Variants in CARF observed in about 807,000 individuals in gnomAD.
CARF encodes the protein calcium-responsive transcription factor.
Under a neutral mutation model 82.0 loss-of-function variants are expected in CARF, and 57 were observed. The ratio of observed to expected loss-of-function variants is 0.70; its 90% confidence interval spans 0.56 to 0.87. The LOEUF is 0.87. CARF is among the 40% of genes least tolerant of loss of function. CARF has a pLI of 0.00. For missense variants in CARF, 771 were observed against 855.8 expected (o/e 0.90, Z 1.24); for synonymous variants, 268 against 290.1 (o/e 0.92, Z 0.77).
At position 202,942,945 on chromosome 2, in the gene CARF, TG is replaced by T; in HGVS notation, c.289del (p.Glu97AsnfsTer6). The T allele has an allele frequency of 6.2e-7, 1 of 1,614,066 alleles. No homozygotes were observed. Among genetic ancestry groups the T allele is most frequent in the Non-Finnish European group, 8.5e-7 (1 of 1,179,974 alleles). Reference sequence around the variant, plus strand: ...GCTATTCAATATGAACTTCAGTCATTGGGGGAATCCAATGCACAAATGGTGA... The same window carrying T: ...GCTATTCAATATGAACTTCAGTCATTGGGGAATCCAATGCACAAATGGTGA... ...GQAIQYELQSLGESNAQMMIV... is the reference protein window; with the variant it reads ...GQAIQYELQSXGESNAQMMIV... On this transcript the variant is annotated frameshift_variant, in exon 5 of 17. Coordinates refer to ENST00000438828, the MANE Select transcript of CARF (RefSeq NM_024744.17). LOFTEE classifies it high-confidence loss of function.
intron 3 of CARF, among the ~76,000 whole-genome samples, chr2:202,928,983 G>A (rs1378473787): frequency 6.6e-6 from 1 of 150,702 alleles, no homozygotes; most frequent in Non-Finnish European, 1.5e-5. Flanking sequence ...TCCAGCCTCA[G>A]CCTCCCAAAA....
At chr2:202,920,241 G>A (rs957552457) in intron 2 of CARF, among the ~76,000 whole-genome samples, 2 of 150,430 alleles carry the variant, frequency 1.3e-5, no homozygotes, top group African/African-American at 2.5e-5. Flanking sequence ...TGCAAGCTCC[G>A]CCTCCCGGGT....
intron 3 of CARF, among the ~76,000 whole-genome samples, chr2:202,939,230 C>T (rs1256637956): frequency 6.6e-6 from 1 of 152,122 alleles, no homozygotes; most frequent in Admixed American, 6.5e-5. Context: ...TACAGATGAT[C>T]CCTGACTTAT....
intron 16 of CARF, 112 bp downstream of exon 16, chr2:202,982,553 G>A (rs2060309947): frequency 2.6e-6 from 3 of 1,167,598 alleles, no homozygotes; most frequent in Middle Eastern, 2.9e-4. Context: ...ATGATATTAT[G>A]TAAATGAAGC....
chr2:202,930,586 T>TCTTTGTTGAA (rs1381077198), intron 3 of CARF, among the ~76,000 whole-genome samples: 1 of 152,210 alleles, frequency 6.6e-6, no homozygotes. Context: ...TATTTGTATC[T>TCTTTGTTGAA]CTTTGTTGAA....
chr2:202,913,420 C>T (rs1416742942), intron 1 of CARF, among the ~76,000 whole-genome samples: 2 of 152,098 alleles, frequency 1.3e-5, no homozygotes, highest in African/African-American at 2.4e-5. Context: ...ACTGCGGCAT[C>T]GGAAGCACTC....
chr2:202,917,482 G>A (rs1335536964), intron 1 of CARF, among the ~76,000 whole-genome samples: 1 of 152,050 alleles, frequency 6.6e-6, no homozygotes, highest in Non-Finnish European at 1.5e-5. Context: ...CAATTCTAGG[G>A]TTTGGGAGGT....
intron 2 of CARF, among the ~76,000 whole-genome samples, chr2:202,921,832 T>A (rs1389238815): frequency 6.6e-6 from 1 of 151,520 alleles, no homozygotes; most frequent in African/African-American, 2.4e-5. Flanking sequence ...TATTGAAAAA[T>A]TTTTTTTTCC....
At chr2:202,954,221 A>G (rs2058918497) in intron 7 of CARF, 87 bp downstream of exon 7, 1 of 1,398,156 alleles carries the variant, frequency 7.2e-7, no homozygotes, top group Non-Finnish European at 9.6e-7. Context: ...GGCAGACTAT[A>G]GAGAAAATCA....
chr2:202,954,196 T>C, intron 7 of CARF, 62 bp downstream of exon 7: 1 of 1,557,814 alleles, frequency 6.4e-7, no homozygotes, highest in East Asian at 2.3e-5. Flanking sequence ...TTTTACAAAT[T>C]ACACATTTAA....
At chr2:202,918,259 G>A (rs1235309780) in intron 2 of CARF, among the ~76,000 whole-genome samples, 15 of 152,172 alleles carry the variant, frequency 9.9e-5, no homozygotes, top group Non-Finnish European at 2.9e-5. Context: ...GGTGGCTCAT[G>A]CCTGTAATCC....
At chr2:202,937,240 T>C (rs1440721295) in intron 3 of CARF, among the ~76,000 whole-genome samples, 1 of 152,226 alleles carries the variant, frequency 6.6e-6, no homozygotes, top group African/African-American at 2.4e-5. Context: ...TAAATTGATA[T>C]ATTATCTATC....
At chr2:202,954,413 C>T (rs1195119260) in intron 7 of CARF, among the ~76,000 whole-genome samples, 1 of 152,012 alleles carries the variant, frequency 6.6e-6, no homozygotes, top group Non-Finnish European at 1.5e-5. Context: ...ACAGACTTTT[C>T]AGAATAAAGA....
chr2:202,941,822 T>C, intron 3 of CARF, 38 bp from the exon 4 acceptor site: 1 of 1,061,696 alleles, frequency 9.4e-7, no homozygotes, highest in Non-Finnish European at 1.4e-6. Flanking sequence ...ACAAAAATAC[T>C]AAGTGCTTTA....
intron 3 of CARF, among the ~76,000 whole-genome samples, chr2:202,927,256 A>C (rs1692016946): frequency 6.6e-6 from 1 of 151,532 alleles, no homozygotes; most frequent in South Asian, 2.1e-4. Context: ...TATGGCCTTC[A>C]TTTTTATGTG....
chr2:202,926,879 G>A (rs1219777705), intron 3 of CARF, among the ~76,000 whole-genome samples: 2 of 152,174 alleles, frequency 1.3e-5, no homozygotes. Flanking sequence ...TTGGAGGGCA[G>A]TGGTGCAATC....
At chr2:202,927,861 C>T (rs906363556) in intron 3 of CARF, among the ~76,000 whole-genome samples, 10 of 150,250 alleles carry the variant, frequency 6.7e-5, no homozygotes, top group African/African-American at 1.7e-4. Context: ...GTGCCAGCGG[C>T]GTGATCACAA....
chr2:202,950,471 T>C (rs1390754930), intron 5 of CARF, among the ~76,000 whole-genome samples: 1 of 152,160 alleles, frequency 6.6e-6, no homozygotes, highest in Non-Finnish European at 1.5e-5. Context: ...TTTAATCTTA[T>C]TATAAGGGGT....
chr2:202,973,487 C>G (rs1286156064), intron 12 of CARF: 2 of 431,840 alleles, frequency 4.6e-6, no homozygotes, highest in Admixed American at 2.7e-5. Flanking sequence ...TCAAGCCCAT[C>G]ATATTTCATA....
Sources: allele counts gnomAD v4.1 joint callset (sites outside exome capture counted in the v4.1 genomes callset), GRCh38; gene constraint gnomAD v4.1.1; transcripts MANE v1.5; gene names NCBI Gene and HGNC (gene_info 2026-07-23, HGNC 2026-07-21).